LRRC37A2: variants seen among roughly 807,000 people sequenced by gnomAD.
LRRC37A2 encodes leucine-rich repeat-containing protein 37A2.
In LRRC37A2, 9 loss-of-function variants were observed where a neutral mutation model predicts 68.8. The ratio of observed to expected loss-of-function variants is 0.13; its 90% CI spans 0.08 to 0.23. The LOEUF is 0.23. Among genes scored for constraint, LRRC37A2 ranks in the 10% least tolerant of loss-of-function variants. The pLI, the probability that LRRC37A2 is intolerant of heterozygous loss-of-function variation, is 1.00. For synonymous variants in LRRC37A2, 63 were observed against 367.6 expected, an observed-to-expected ratio of 0.17 and a Z score of 9.48; for missense variants, 168 against 950.4, an observed-to-expected ratio of 0.18 and a Z score of 10.82.
the LRRC37A2 span, chr17:46,763,376 TGCTGGTTC>T: frequency 6.6e-6 from 1 of 152,176 alleles, no homozygotes; most frequent in Non-Finnish European, 1.5e-5. Flanking sequence ...AGTAGGTGAC[TGCTGGTTC>T]CCCTTTGAAC....
the LRRC37A2 span, among the ~76,000 whole-genome samples, chr17:47,002,694 G>T: frequency 6.6e-6 from 1 of 151,946 alleles, no homozygotes; most frequent in Non-Finnish European, 1.5e-5. Flanking sequence ...CTGGCCATTA[G>T]TTATTTTTAA....
the LRRC37A2 span, among the ~76,000 whole-genome samples, chr17:47,043,067 T>C: frequency 1.3e-5 from 2 of 150,038 alleles, no homozygotes; most frequent in Non-Finnish European, 3.0e-5. Context: ...ACCCAGTAGA[T>C]ACTCACTGTA....
chr17:46,545,823 G>T (rs1288096465), intron 8 of LRRC37A2, among the ~76,000 whole-genome samples: 1 of 149,762 alleles, frequency 6.7e-6, no homozygotes, highest in Non-Finnish European at 1.5e-5. Flanking sequence ...CGCAATCCAG[G>T]TTAAACTAAG....
chr17:46,949,526 A>G, the LRRC37A2 span, among the ~76,000 whole-genome samples: 3 of 152,220 alleles, frequency 2.0e-5, no homozygotes, highest in Admixed American at 2.0e-4. Flanking sequence ...TAAGAAGAGC[A>G]GGTGGGATGG....
the LRRC37A2 span, among the ~76,000 whole-genome samples, chr17:47,037,094 AG>A: frequency 1.5e-5 from 2 of 136,384 alleles, no homozygotes; most frequent in Non-Finnish European, 3.1e-5. Flanking sequence ...GTTAGAGACC[AG>A]CCTGGACAAC....
chr17:47,001,889 T>G, the LRRC37A2 span, among the ~76,000 whole-genome samples: 1 of 151,956 alleles, frequency 6.6e-6, no homozygotes, highest in East Asian at 1.9e-4. Context: ...GCCCAGCTAA[T>G]TTGTGTATTT....
At chr17:46,961,805 G>A in the LRRC37A2 span, among the ~76,000 whole-genome samples, 1 of 152,104 alleles carries the variant, frequency 6.6e-6, no homozygotes, top group Non-Finnish European at 1.5e-5. Context: ...CCAACAAAAT[G>A]TACACCCTTT....
chr17:46,880,178 G>T, the LRRC37A2 span, among the ~76,000 whole-genome samples: 2 of 152,164 alleles, frequency 1.3e-5, no homozygotes, highest in Non-Finnish European at 2.9e-5. Context: ...GCCCCTGCCT[G>T]CCTCTCATGA....
chr17:47,026,610 A>T, the LRRC37A2 span, among the ~76,000 whole-genome samples: 5 of 152,172 alleles, frequency 3.3e-5, no homozygotes, highest in Non-Finnish European at 7.3e-5. Context: ...AGAGATGGAG[A>T]CATCAGCCAG....
At chr17:46,769,798 G>C in the LRRC37A2 span, 1 of 1,611,964 alleles carries the variant, frequency 6.2e-7, no homozygotes, top group African/African-American at 1.3e-5. Context: ...GGCCCGCCTC[G>C]TTGTTGTGCT....
At chr17:46,767,552 A>G in the LRRC37A2 span, among the ~76,000 whole-genome samples, 1 of 152,042 alleles carries the variant, frequency 6.6e-6, no homozygotes, top group Non-Finnish European at 1.5e-5. Flanking sequence ...CACCATCACC[A>G]CTTTATAGTA....
At chr17:46,800,270 C>T in the LRRC37A2 span, among the ~76,000 whole-genome samples, 1 of 152,118 alleles carries the variant, frequency 6.6e-6, no homozygotes, top group Admixed American at 6.6e-5. Context: ...ACCACCACAC[C>T]CAGCTAATTT....
chr17:46,848,932 G>GCGCA, the LRRC37A2 span, among the ~76,000 whole-genome samples: 4 of 146,180 alleles, frequency 2.7e-5, no homozygotes, highest in Non-Finnish European at 6.2e-5. Context: ...GTGTGCACGT[G>GCGCA]CACACACACA....
chr17:46,704,555 G>GT, the LRRC37A2 span, among the ~76,000 whole-genome samples: 3 of 141,264 alleles, frequency 2.1e-5, no homozygotes, highest in Non-Finnish European at 4.6e-5. Flanking sequence ...TTTTTATTTA[G>GT]TTTTTTGTTG....
the LRRC37A2 span, chr17:46,726,562 C>G: frequency 6.2e-7 from 1 of 1,613,848 alleles, no homozygotes; most frequent in South Asian, 1.1e-5. Flanking sequence ...TTTGATGATG[C>G]GTACAAATCC....
At chr17:46,928,663 T>C in the LRRC37A2 span, among the ~76,000 whole-genome samples, 3 of 152,154 alleles carry the variant, frequency 2.0e-5, no homozygotes, top group African/African-American at 7.2e-5. Context: ...AGAAGGATGT[T>C]TACCAAACAG....
intron 8 of LRRC37A2, among the ~76,000 whole-genome samples, chr17:46,541,776 G>A (rs1286201241): frequency 1.3e-5 from 2 of 150,926 alleles, no homozygotes; most frequent in African/African-American, 2.5e-5. Flanking sequence ...CACTGTATTA[G>A]GTACTTAGAG....
the LRRC37A2 span, among the ~76,000 whole-genome samples, chr17:46,773,132 A>G: frequency 2.0e-5 from 3 of 152,226 alleles, no homozygotes; most frequent in South Asian, 6.2e-4. Context: ...GACGGCCGGA[A>G]AGTTACCCAG....
chr17:46,760,648 AAAG>A, the LRRC37A2 span, among the ~76,000 whole-genome samples: 14 of 150,900 alleles, frequency 9.3e-5, no homozygotes, highest in African/African-American at 2.9e-4. Context: ...AAAAAAAAAA[AAAG>A]AAAAAAAAAG....
Sources: gnomAD v4.1 joint callset for allele counts (sites outside exome capture counted in the v4.1 genomes callset) on GRCh38, gnomAD v4.1.1 for gene constraint, MANE v1.5 for transcripts, NCBI Gene and HGNC (gene_info 2026-07-23, HGNC 2026-07-21) for gene names.